The following NBEAL1 variants were observed in gnomAD, a reference collection of about 807,000 sequenced individuals.
NBEAL1 encodes the protein neurobeachin-like protein 1.
A neutral mutation model predicts 351.3 loss-of-function variants in NBEAL1; 273 were observed. The ratio of observed to expected loss-of-function variants is 0.78; its 90% CI spans 0.70 to 0.86. The LOEUF (loss-of-function observed/expected upper bound fraction) is 0.86, where lower values mean the gene tolerates loss of function less well. Ranked by LOEUF, NBEAL1 falls within the 40% of genes least tolerant of loss-of-function variation. The pLI, the probability that NBEAL1 is intolerant of heterozygous loss-of-function variation, is 0.00. For missense variants in NBEAL1, 2,961 were observed against 3,201.3 expected (o/e 0.92, Z 1.81); for synonymous variants, 1,050 against 1,086.4 (o/e 0.97, Z 0.66).
At chr2:203,033,632 G>A (rs2060989003) in intron 2 of NBEAL1, among the ~76,000 whole-genome samples, 1 of 152,166 alleles carries the variant, frequency 6.6e-6, no homozygotes, top group Non-Finnish European at 1.5e-5. Flanking sequence ...AGGAAATGAT[G>A]ATCAGTAGTT....
intron 2 of NBEAL1, among the ~76,000 whole-genome samples, chr2:203,018,627 G>C (rs759228399): frequency 6.6e-6 from 1 of 151,948 alleles, no homozygotes; most frequent in Non-Finnish European, 1.5e-5. Flanking sequence ...GAACTTTTTA[G>C]TTCTTTCTTT....
intron 12 of NBEAL1, among the ~76,000 whole-genome samples, chr2:203,104,805 A>T (rs2062397824): frequency 1.3e-5 from 2 of 152,002 alleles, no homozygotes. Context: ...TTCACTTATG[A>T]AGCTTAGTTT....
rs906079703 is a variant in NBEAL1, at chr2:203,151,680, T to C, written c.5587+91T>C. On this transcript the variant is annotated intron_variant, in intron 35 of 55. Coordinates refer to ENST00000683969, the MANE Select transcript of NBEAL1 (RefSeq NM_001378026.1). ...GTTATTTTATTGTTTTAAATGTGTTTACTTATGAAGGAAGGGTGGCATTTT... is the reference window on the plus strand; with the variant it reads ...GTTATTTTATTGTTTTAAATGTGTTCACTTATGAAGGAAGGGTGGCATTTT... The C allele has an allele frequency of 4.0e-6, 5 of 1,242,560 alleles. No individual in the cohort carries two copies. The African/African-American group carries it at 7.6e-5, about 19-fold the overall frequency. 77.0% of individuals were successfully genotyped at this position (1,242,560 alleles called of 1,614,324 possible). A position where few individuals can be genotyped will look rare whatever the true frequency, so the allele number is the denominator to read the frequency against.
In NBEAL1 at chr2:203,112,856, C is replaced by T. The variant is rs758210081; in HGVS notation, c.2203-159C>T. Among the ~76,000 whole-genome samples, 75 of 152,030 alleles carry T rather than the reference C, an allele frequency of 4.9e-4. 2 individuals are homozygous for T. The highest frequency in any genetic ancestry group is 2.6e-4 in the Admixed American group (4 of 15,258). ...TAATAATTTCCTAAGTATACACATG[C>T]GTCTACACTTCATGATTTGGTAAAA... On this transcript the variant is annotated intron_variant, in intron 16 of 55. Coordinates refer to ENST00000683969, the MANE Select transcript of NBEAL1 (RefSeq NM_001378026.1).
chr2:203,049,851 G>A lies in NBEAL1; in HGVS notation c.181G>A (p.Asp61Asn). The change falls in exon 4 of 56, where the codon GAT becomes AAT. Residue 61 changes from aspartate to asparagine, a missense_variant. Physicochemically the swap from Asp to Asn is conservative, Grantham distance 23 (BLOSUM62 1). Transcript: ENST00000683969. ...DMPPGISLLP[D>N]NILQVLRIQL... ...GCCTCCAGGAATATCTCTGCTTCCT[G>A]ATAATATTCTGCAGGTTCTGAGGAT... The A allele has an allele frequency of 6.4e-7, 1 of 1,554,398 alleles. No individual in the cohort carries two copies. The highest frequency in any genetic ancestry group is 8.7e-7 in the Non-Finnish European group (1 of 1,147,194).
At chr2:203,046,271 A>G (rs1029692322) in intron 3 of NBEAL1, among the ~76,000 whole-genome samples, 4 of 151,940 alleles carry the variant, frequency 2.6e-5, no homozygotes, top group African/African-American at 9.7e-5. Context: ...GCGGGAGTGC[A>G]GTGGCCCGAT....
At chr2:203,197,996 T>TAC (rs2065285129) in intron 48 of NBEAL1, among the ~76,000 whole-genome samples, 1 of 149,382 alleles carries the variant, frequency 6.7e-6, no homozygotes, top group Non-Finnish European at 1.5e-5. Flanking sequence ...TTTCAATCCT[T>TAC]ATATATATAT....
At chr2:203,092,634 C>T (rs1204590406) in intron 10 of NBEAL1, among the ~76,000 whole-genome samples, 6 of 152,268 alleles carry the variant, frequency 3.9e-5, no homozygotes, top group African/African-American at 1.4e-4. Context: ...TAGAGAGCTT[C>T]ATAAAGCCTT....
chr2:203,139,716 C>T (rs1048304592), intron 31 of NBEAL1, among the ~76,000 whole-genome samples: 2 of 151,358 alleles, frequency 1.3e-5, no homozygotes, highest in African/African-American at 4.9e-5. Context: ...GGGTGCCTGC[C>T]ACTATGCCTG....
chr2:203,162,467 C>T (rs2063996013), intron 36 of NBEAL1, among the ~76,000 whole-genome samples: 1 of 151,984 alleles, frequency 6.6e-6, no homozygotes, highest in Admixed American at 6.6e-5. Context: ...AAATTGAGGG[C>T]CAGGCATGGT....
intron 27 of NBEAL1, among the ~76,000 whole-genome samples, chr2:203,135,028 T>C (rs1298232945): frequency 6.6e-6 from 1 of 151,996 alleles, no homozygotes; most frequent in Non-Finnish European, 1.5e-5. Flanking sequence ...ATACAAAAAT[T>C]AGCCAGGAGT....
chr2:203,056,572 T>C, intron 5 of NBEAL1, 64 bp downstream of exon 5: 1 of 974,600 alleles, frequency 1.0e-6, no homozygotes. Context: ...TTTTTGTTTG[T>C]TTGTTTGTTT....
chr2:203,041,855 A>G lies in NBEAL1; in HGVS notation c.142A>G (p.Arg48Gly), dbSNP rs1277800954. ...LDVDFEKLPT[R>G]VDDMPPGISL... The stretch of plus-strand genomic sequence containing the variant: ...CGTTGACTTTGAAAAGCTGCCTACC[A>G]GGTATGTAGAAACGCTAATTTGTAA... Residue 48 changes from arginine to glycine, a missense_variant and splice_region_variant, in exon 3 of 56, where the codon AGG becomes GGG. Arg to Gly is a moderately radical substitution (Grantham distance 125, BLOSUM62 -2). Coordinates refer to ENST00000683969, the MANE Select transcript of NBEAL1 (RefSeq NM_001378026.1). 1.3e-6 allele frequency: 2 copies of G among 1,549,776 alleles called. No individual in the cohort carries two copies. Among genetic ancestry groups the G allele is most frequent in the African/African-American group, 2.7e-5 (2 of 73,302 alleles).
intron 7 of NBEAL1, chr2:203,074,724 A>G (rs929120607): frequency 3.0e-5 from 5 of 164,066 alleles, no homozygotes; most frequent in Non-Finnish European, 6.6e-5. Flanking sequence ...TGAAAGCATC[A>G]TAGTCAGGAG....
chr2:203,130,299 T>C lies in NBEAL1; in HGVS notation c.3406-19T>C, dbSNP rs2063044183. ...TATATGAATGTGGTGGTTTGTTTTGTGTTGTTTAATTTTAAAAGCTCTTTG... is the reference window on the plus strand; with the variant it reads ...TATATGAATGTGGTGGTTTGTTTTGCGTTGTTTAATTTTAAAAGCTCTTTG... On this transcript the variant is annotated intron_variant, in intron 24 of 55. Transcript: ENST00000683969. The C allele has an allele frequency of 2.6e-6, 4 of 1,518,806 alleles. No homozygotes were observed. The highest frequency in any genetic ancestry group is 3.5e-6 in the Non-Finnish European group (4 of 1,135,978). 94.1% of individuals were successfully genotyped at this position (1,518,806 alleles called of 1,614,324 possible).
Position 203,126,665 on chromosome 2 carries a change from T to C in NBEAL1, c.3094T>C (p.Leu1032=), listed in dbSNP as rs1422567264. Residue 1032 remains leucine, a synonymous_variant, in exon 22 of 56, where the codon TTA becomes CTA. Coordinates refer to ENST00000683969, the MANE Select transcript of NBEAL1 (RefSeq NM_001378026.1). ...MQLLQQMYQY[L]LFDFRIWNRG... is the part of the protein sequence containing the mutation. Reference sequence around the variant, plus strand: ...GCTCCTGCAACAAATGTATCAATATTTACTCTTTGACTTTCGTATTTGGAA... The same window carrying C: ...GCTCCTGCAACAAATGTATCAATATCTACTCTTTGACTTTCGTATTTGGAA... 6.5e-7 allele frequency: 1 copy of C among 1,529,050 alleles called. No individual in the cohort carries two copies. Among genetic ancestry groups the C allele is most frequent in the Non-Finnish European group, 8.8e-7 (1 of 1,138,664 alleles). The allele number at this position is 1,529,050 out of a possible 1,614,324, so 94.7% of individuals were successfully genotyped here. A position where few individuals can be genotyped will look rare whatever the true frequency, so the allele number is the denominator to read the frequency against.
At position 203,135,735 on chromosome 2, in the gene NBEAL1, G is replaced by C. The variant is rs759404030; in HGVS notation, c.3872G>C (p.Gly1291Ala). 1.3e-6 allele frequency: 2 copies of C among 1,573,030 alleles called. No individual in the cohort carries two copies. Among genetic ancestry groups the C allele is most frequent in the Non-Finnish European group, 1.7e-6 (2 of 1,157,860 alleles). Residue 1291 changes from glycine to alanine, a missense_variant, in exon 28 of 56, where the codon GGT (glycine) becomes GCT (alanine). Coordinates refer to ENST00000683969, the MANE Select transcript of NBEAL1 (RefSeq NM_001378026.1). Reference protein sequence around the residue: ...DAAHQISQQVGWQDTLVRLFL... With the variant: ...DAAHQISQQVAWQDTLVRLFL... ...GCACATCAAATATCACAGCAAGTGG[G>C]TTGGCAAGACACCTTAGTTAGGCTT... is the stretch of plus-strand genomic sequence containing the variant.
chr2:203,199,706 C>T (rs776118783), intron 49 of NBEAL1, among the ~76,000 whole-genome samples: 18 of 152,026 alleles, frequency 1.2e-4, no homozygotes, highest in Non-Finnish European at 2.1e-4. Flanking sequence ...GTCTCAAACC[C>T]TTGACCTCAA....
rs1468744006 is a variant in NBEAL1, at chr2:203,084,498, C to T, written c.1027C>T (p.Pro343Ser). 2 of 1,543,216 alleles carry T rather than the reference C, an allele frequency of 1.3e-6. No homozygotes were observed. The highest frequency in any genetic ancestry group is 2.0e-5 in the Admixed American group (1 of 48,948). ...ITAMLDCTDR[P>S]VLQAIFLNSN... ...AGCCATGTTAGATTGTACAGATAGA[C>T]CTGTTCTTCAGGCCATTTTTCTTAA... The change falls in exon 10 of 56, where the codon CCT becomes TCT. Residue 343 changes from proline to serine, a missense_variant. Physicochemically the swap from Pro to Ser is moderately conservative, Grantham distance 74. Coordinates refer to ENST00000683969, the MANE Select transcript of NBEAL1 (RefSeq NM_001378026.1).
Sources: allele counts gnomAD v4.1 joint callset (sites outside exome capture counted in the v4.1 genomes callset), GRCh38; gene constraint gnomAD v4.1.1; transcripts MANE v1.5; gene names NCBI Gene and HGNC (gene_info 2026-07-23, HGNC 2026-07-21).